FNIP1: variants seen among roughly 807,000 people sequenced by gnomAD.
The protein encoded by FNIP1 is folliculin-interacting protein 1.
FNIP1 carries 40 observed loss-of-function variants against 124.5 expected under a neutral mutation model. The ratio of observed to expected loss-of-function variants is 0.32; its 90% CI spans 0.25 to 0.42. The LOEUF is 0.42. FNIP1 is among the 10% of genes least tolerant of loss of function. The probability of loss-of-function intolerance (pLI) is 1.00; values close to 1 mark genes in which losing one functional copy is unlikely to be tolerated. For missense variants in FNIP1, 1,176 were observed against 1,403.7 expected (o/e 0.84, Z 2.59); for synonymous variants, 472 against 470.6 (o/e 1.00, Z -0.04).
chr5:131,778,437 C>T (rs1460658659), intron 1 of FNIP1, among the ~76,000 whole-genome samples: 3 of 151,124 alleles, frequency 2.0e-5, no homozygotes, highest in Admixed American at 6.6e-5. Flanking sequence ...AAATCAAAAC[C>T]ACTATGAGAT....
At chr5:131,693,350 A>ATATATATG (rs1561658505) in intron 11 of FNIP1, among the ~76,000 whole-genome samples, 6 of 136,492 alleles carry the variant, frequency 4.4e-5, no homozygotes, top group Admixed American at 7.6e-5. Context: ...ATATATATAT[A>ATATATATG]TATATATATA....
intron 1 of FNIP1, among the ~76,000 whole-genome samples, chr5:131,785,445 C>T (rs1772173981): frequency 6.6e-6 from 1 of 151,884 alleles, no homozygotes; most frequent in Non-Finnish European, 1.5e-5. Context: ...ATCCCAGCTA[C>T]TCAGGAGGCT....
rs757130175 is a variant in FNIP1 at position 131,647,081 on chromosome 5, T to A, written c.3422+9A>T. ...GAAAGCAAAGCCAAAAAAGAAACCA[T>A]TAACATACCCCAGAACCACTCCCAG... is the stretch of plus-strand genomic sequence containing the variant. On this transcript the variant is annotated intron_variant, in intron 17 of 17. Coordinates refer to ENST00000510461, the MANE Select transcript of FNIP1 (RefSeq NM_133372.3). 38 of 1,612,958 alleles carry A rather than the reference T, an allele frequency of 2.4e-5. No individual in the cohort carries two copies. The highest frequency in any genetic ancestry group is 3.2e-5 in the Non-Finnish European group (38 of 1,179,194).
intron 1 of FNIP1, among the ~76,000 whole-genome samples, chr5:131,769,114 G>A (rs1771539552): frequency 6.6e-6 from 1 of 152,076 alleles, no homozygotes; most frequent in South Asian, 2.1e-4. Flanking sequence ...CTGCAGTGAA[G>A]GTTCCCATGT....
At chr5:131,732,027 T>C (rs1170603947) in intron 2 of FNIP1, among the ~76,000 whole-genome samples, 1 of 152,216 alleles carries the variant, frequency 6.6e-6, no homozygotes. Flanking sequence ...CAGTCTAGTG[T>C]AGAAGAAAAA....
rs75748495 is a variant in FNIP1 at position 131,779,850 on chromosome 5, G to T, written c.92+16980C>A. Among the ~76,000 whole-genome samples the T allele has an allele frequency of 1.9e-4, 29 of 151,998 alleles. No homozygotes were observed. The East Asian group carries it at 5.0e-3, about 26-fold the overall frequency. On this transcript the variant is annotated intron_variant, in intron 1 of 17. Coordinates refer to ENST00000510461, the MANE Select transcript of FNIP1 (RefSeq NM_133372.3). ...GAAATGTTGATAAATGTGAAATCTG[G>T]GTAATGGCAGATGTTAGAGCATGCT...
intron 16 of FNIP1, among the ~76,000 whole-genome samples, chr5:131,648,953 A>G (rs546034264): frequency 6.6e-6 from 1 of 152,296 alleles, no homozygotes; most frequent in African/African-American, 2.4e-5. Flanking sequence ...CATAATGCTT[A>G]TGAGGTTCAT....
chr5:131,777,636 C>T (rs1453899212), intron 1 of FNIP1, among the ~76,000 whole-genome samples: 2 of 152,118 alleles, frequency 1.3e-5, no homozygotes, highest in Non-Finnish European at 2.9e-5. Flanking sequence ...GCTGCTAGAA[C>T]ACTGAATCAT....
At chr5:131,734,455 C>T (rs1770214934) in intron 2 of FNIP1, among the ~76,000 whole-genome samples, 1 of 152,088 alleles carries the variant, frequency 6.6e-6, no homozygotes, top group African/African-American at 2.4e-5. Flanking sequence ...CCAAAATTGA[C>T]AAATGGGATC....
chr5:131,678,127 T>G (rs1217959314), intron 12 of FNIP1, among the ~76,000 whole-genome samples: 1 of 152,198 alleles, frequency 6.6e-6, no homozygotes, highest in Non-Finnish European at 1.5e-5. Flanking sequence ...AGATCGTAAG[T>G]ACAAAACAGA....
chr5:131,695,261 T>C lies in FNIP1; in HGVS notation c.1202+3656A>G, dbSNP rs1464580174. The stretch of plus-strand genomic sequence containing the variant: ...AAACTGTTCAAATTAAGTCTCTTCA[T>C]TGTGTGTGTGGGCACGTGCGTGCAT... On this transcript the variant is annotated intron_variant, in intron 11 of 17. Transcript: ENST00000510461. 2.6e-5 allele frequency among the ~76,000 whole-genome samples: 4 copies of C among 152,356 alleles called. No individual in the cohort carries two copies. In the East Asian group the frequency reaches 7.7e-4, roughly 29 times the overall value.
intron 14 of FNIP1, 34 bp downstream of exon 14, chr5:131,671,471 T>A (rs370419295): frequency 6.7e-7 from 1 of 1,497,310 alleles, no homozygotes; most frequent in East Asian, 2.3e-5. Context: ...CATATTTATA[T>A]AGGGCCCATT....
intron 1 of FNIP1, among the ~76,000 whole-genome samples, chr5:131,764,706 A>G (rs1771360311): frequency 6.6e-6 from 1 of 152,098 alleles, no homozygotes; most frequent in African/African-American, 2.4e-5. Context: ...AAGAACATCT[A>G]TACGCATTTG....
chr5:131,777,183 A>G (rs1161732967), intron 1 of FNIP1, among the ~76,000 whole-genome samples: 1 of 152,072 alleles, frequency 6.6e-6, no homozygotes, highest in Non-Finnish European at 1.5e-5. Context: ...AGACTGTTAG[A>G]AAACAGAATT....
intron 15 of FNIP1, among the ~76,000 whole-genome samples, chr5:131,661,896 G>A (rs1767452522): frequency 6.6e-6 from 1 of 152,172 alleles, no homozygotes; most frequent in Admixed American, 6.5e-5. Flanking sequence ...GCTAATCTGA[G>A]GCTGTAGTGA....
intron 10 of FNIP1, among the ~76,000 whole-genome samples, chr5:131,699,916 CAAAAAAAAAAAA>C (rs3033727): frequency 1.1e-5 from 1 of 93,708 alleles, no homozygotes; most frequent in African/African-American, 3.3e-5. Context: ...AAGACTGTTT[CAAAAAAAAAAAA>C]AAAAAAAAAG....
chr5:131,716,199 A>G (rs1769460812), intron 6 of FNIP1, among the ~76,000 whole-genome samples: 1 of 152,258 alleles, frequency 6.6e-6, no homozygotes, highest in Admixed American at 6.5e-5. Flanking sequence ...TATGGAAGAC[A>G]GAAGGAAGAA....
chr5:131,680,899 G>A (rs1768057454), intron 11 of FNIP1, among the ~76,000 whole-genome samples: 1 of 152,158 alleles, frequency 6.6e-6, no homozygotes. Flanking sequence ...AAAGTTATAA[G>A]GTCATAGTAT....
At chr5:131,742,127 C>T (rs1770531431) in intron 2 of FNIP1, among the ~76,000 whole-genome samples, 4 of 152,140 alleles carry the variant, frequency 2.6e-5, no homozygotes, top group African/African-American at 4.8e-5. Flanking sequence ...CTCATGGCGA[C>T]ATTATGTTCT....
Sources: allele counts gnomAD v4.1 joint callset (sites outside exome capture counted in the v4.1 genomes callset), GRCh38; gene constraint gnomAD v4.1.1; transcripts MANE v1.5; gene names NCBI Gene and HGNC (gene_info 2026-07-23, HGNC 2026-07-21).